The following CD44 variants were observed in gnomAD, a reference collection of about 807,000 sequenced individuals.
CD44 encodes the protein CD44 molecule (IN blood group).
In CD44, 49 loss-of-function variants were observed where a neutral mutation model predicts 88.8. The observed-to-expected ratio is 0.55, with a 90% CI of 0.44 to 0.70. CD44 has a LOEUF of 0.70. CD44 is among the 30% of genes least tolerant of loss of function. CD44 has a pLI of 0.00. For missense variants in CD44, 883 were observed against 913.8 expected (o/e 0.97, Z 0.43); for synonymous variants, 325 against 312.3 (o/e 1.04, Z -0.43).
At chr11:35,206,666 T>TGGA (rs144689531) in intron 11 of CD44, among the ~76,000 whole-genome samples, 41,020 of 114,638 alleles carry the variant, frequency 0.36, 6,102 homozygotes, top group East Asian at 0.52. Flanking sequence ...TGGTGGGGGT[T>TGGA]GGTGGGGGGG....
intron 1 of CD44, among the ~76,000 whole-genome samples, chr11:35,148,314 A>G (rs1034894576): frequency 3.3e-5 from 5 of 152,326 alleles, no homozygotes; most frequent in African/African-American, 9.6e-5. Context: ...TCTTGCAGGA[A>G]ACCAGCTGAC....
intron 1 of CD44, among the ~76,000 whole-genome samples, chr11:35,164,346 G>C (rs1353676207): frequency 6.6e-6 from 1 of 152,168 alleles, no homozygotes; most frequent in Non-Finnish European, 1.5e-5. Flanking sequence ...CTGTGAAATG[G>C]GGGTGATTTT....
In CD44 at chr11:35,211,337, C is replaced by T; in HGVS notation, c.1698C>T (p.His566=). 3 of 1,613,936 alleles carry T rather than the reference C, an allele frequency of 1.9e-6. No individual in the cohort carries two copies. The highest frequency in any genetic ancestry group is 2.7e-5 in the African/African-American group (2 of 75,028). The change falls in exon 14 of 18, where the codon CAC becomes CAT. Residue 566 remains histidine (H), a synonymous_variant. Transcript: ENST00000428726. ...AAGGTTATACCTCTCATTACCCACA[C>T]ACGAAGGAAAGCAGGACCTTCATCC... ...LLEGYTSHYP[H]TKESRTFIPV...
chr11:35,170,652 C>T (rs919784246), intron 1 of CD44, among the ~76,000 whole-genome samples: 3 of 152,204 alleles, frequency 2.0e-5, no homozygotes, highest in Admixed American at 1.3e-4. Flanking sequence ...GAGGGCTCAA[C>T]GGAAAACATT....
Position 35,176,857 on chromosome 11 carries a change from C to T in CD44, c.233+117C>T, listed in dbSNP as rs568705475. The T allele has an allele frequency of 1.4e-5, 14 of 965,958 alleles. No individual in the cohort carries two copies. The African/African-American group carries it at 2.3e-4, about 16-fold the overall frequency. The allele number at this position is 965,958 out of a possible 1,614,324, so 59.8% of individuals were successfully genotyped here. On this transcript the variant is annotated intron_variant, in intron 2 of 17. Coordinates refer to ENST00000428726, the MANE Select transcript of CD44 (RefSeq NM_000610.4). ...AATGGATTATTGCCTAAGGAGTCAA[C>T]CCCACGTATTAATTTGGCCAAGTCA... is the stretch of plus-strand genomic sequence containing the variant.
At chr11:35,221,842 C>T (rs1202301284) in intron 17 of CD44, 110 bp downstream of exon 17, 1 of 992,684 alleles carries the variant, frequency 1.0e-6, no homozygotes, top group Non-Finnish European at 1.6e-6. Context: ...CCTGGGTACC[C>T]TGGGAGTTTG....
chr11:35,205,806 G>A, intron 10 of CD44: 3 of 1,020,626 alleles, frequency 2.9e-6, no homozygotes, highest in East Asian at 9.0e-5. Context: ...AGCATGGCAT[G>A]GGTCAAGAAG....
At chr11:35,215,506 T>G (rs1013668116) in intron 15 of CD44, among the ~76,000 whole-genome samples, 3 of 152,234 alleles carry the variant, frequency 2.0e-5, no homozygotes, top group Non-Finnish European at 4.4e-5. Flanking sequence ...GTTGGGAATT[T>G]ACTGTGTGCC....
chr11:35,153,951 CA>C (rs1396585295), intron 1 of CD44, among the ~76,000 whole-genome samples: 6 of 152,178 alleles, frequency 3.9e-5, no homozygotes, highest in Non-Finnish European at 8.8e-5. Context: ...TTTTACTCCT[CA>C]AAATTCTGAA....
At chr11:35,164,042 C>G (rs1373762404) in intron 1 of CD44, among the ~76,000 whole-genome samples, 2 of 152,014 alleles carry the variant, frequency 1.3e-5, no homozygotes, top group African/African-American at 4.8e-5. Context: ...GAGCCTGGCA[C>G]ACAGTAGGTA....
chr11:35,149,664 C>A (rs1859930791), intron 1 of CD44, among the ~76,000 whole-genome samples: 1 of 152,186 alleles, frequency 6.6e-6, no homozygotes, highest in Non-Finnish European at 1.5e-5. Context: ...TCTGTCAAGT[C>A]CTTTCCAGGC....
chr11:35,191,853 C>T (rs556727466), intron 5 of CD44, among the ~76,000 whole-genome samples: 7 of 152,164 alleles, frequency 4.6e-5, no homozygotes, highest in Admixed American at 2.6e-4. Flanking sequence ...ATTTTGAGAA[C>T]CTACTACGTA....
chr11:35,171,947 T>C lies in CD44; in HGVS notation c.68-4628T>C, dbSNP rs529354964. ...AATTGCCTTTGTTTGATGAGAATAA[T>C]GAGCAGGAGCATTGTCATGTCATGA... is the stretch of plus-strand genomic sequence containing the variant. On this transcript the variant is annotated intron_variant, in intron 1 of 17. Coordinates refer to ENST00000428726, the MANE Select transcript of CD44 (RefSeq NM_000610.4). Among the ~76,000 whole-genome samples the C allele has an allele frequency of 3.3e-5, 5 of 152,330 alleles. No individual in the cohort carries two copies. In the South Asian group the frequency reaches 1.0e-3, roughly 32 times the overall value.
chr11:35,194,081 G>A (rs1046197679), intron 5 of CD44, among the ~76,000 whole-genome samples: 2 of 152,166 alleles, frequency 1.3e-5, no homozygotes, highest in Admixed American at 1.3e-4. Flanking sequence ...ATGCTGCTTC[G>A]AAAACCTCCA....
chr11:35,150,332 C>G (rs1209231075), intron 1 of CD44, among the ~76,000 whole-genome samples: 1 of 152,090 alleles, frequency 6.6e-6, no homozygotes, highest in Non-Finnish European at 1.5e-5. Context: ...TATAATCTTT[C>G]CCCAAATCAA....
intron 16 of CD44, 106 bp from the exon 17 acceptor site, chr11:35,221,548 G>T (rs139832018): frequency 5.4e-6 from 5 of 927,126 alleles, no homozygotes; most frequent in Non-Finnish European, 8.9e-6. Flanking sequence ...CCCCTGCAGC[G>T]CTGACTGTGG....
chr11:35,211,356 T>C lies in CD44; in HGVS notation c.1717T>C (p.Phe573Leu). Reference protein sequence around the residue: ...HYPHTKESRTFIPVTSAKTGS... With the variant: ...HYPHTKESRTLIPVTSAKTGS... The stretch of plus-strand genomic sequence containing the variant: ...CCCACACACGAAGGAAAGCAGGACC[T>C]TCATCCCAGTGACCTCAGCTAAGAC... The change falls in exon 14 of 18, where the codon TTC (phenylalanine) becomes CTC (leucine). Residue 573 changes from phenylalanine (F) to leucine (L), a missense_variant. Phe to Leu is a conservative substitution (Grantham distance 22, BLOSUM62 0). Around this residue, in one of 2 missense-constraint regions of CD44, gnomAD observed 631 missense variants for 590.9 expected, o/e 1.07. Transcript: ENST00000428726. 1 of 1,614,002 alleles carries C rather than the reference T, an allele frequency of 6.2e-7. No individual in the cohort carries two copies. Among genetic ancestry groups the C allele is most frequent in the African/African-American group, 1.3e-5 (1 of 75,034 alleles).
intron 14 of CD44, among the ~76,000 whole-genome samples, chr11:35,213,204 C>A (rs1465122519): frequency 6.6e-6 from 1 of 152,170 alleles, no homozygotes; most frequent in East Asian, 1.9e-4. Context: ...AAATCAAATG[C>A]TTTTTACAAG....
At chr11:35,178,190 G>A (rs1944651420) in intron 2 of CD44, among the ~76,000 whole-genome samples, 1 of 152,330 alleles carries the variant, frequency 6.6e-6, no homozygotes, top group Middle Eastern at 3.4e-3. Flanking sequence ...CTAAGAAAGT[G>A]AATTTAGTAA....
Sources: allele counts gnomAD v4.1 joint callset (sites outside exome capture counted in the v4.1 genomes callset), GRCh38; gene constraint gnomAD v4.1.1; regional missense constraint gnomAD v4.1.1; transcripts MANE v1.5; gene names NCBI Gene and HGNC (gene_info 2026-07-23, HGNC 2026-07-21).